The following TSPAN2 variants were observed in gnomAD, a reference collection of about 807,000 sequenced individuals.
TSPAN2 encodes tetraspanin-2.
TSPAN2 carries 24 observed loss-of-function variants against 33.3 expected under a neutral mutation model. That is an observed-to-expected ratio of 0.72 (90% CI 0.52 to 1.01). TSPAN2 has a LOEUF of 1.01. TSPAN2 is among the 50% of genes least tolerant of loss of function. The probability of loss-of-function intolerance (pLI) is 0.00; values close to 1 mark genes in which losing one functional copy is unlikely to be tolerated. For missense variants in TSPAN2, 278 were observed against 281.3 expected (o/e 0.99, Z 0.08); for synonymous variants, 114 against 104.5 (o/e 1.09, Z -0.56).
chr1:115,065,559 C>T (rs894852204), intron 2 of TSPAN2, among the ~76,000 whole-genome samples: 8 of 152,180 alleles, frequency 5.3e-5, no homozygotes, highest in Non-Finnish European at 2.9e-5. Flanking sequence ...ACCACAAGTA[C>T]TTTCCCTGGG....
At chr1:115,069,936 T>A (rs918419885) in intron 2 of TSPAN2, among the ~76,000 whole-genome samples, 1 of 152,214 alleles carries the variant, frequency 6.6e-6, no homozygotes, top group Admixed American at 6.5e-5. Flanking sequence ...GAAGGAGAGC[T>A]CACTTTCATC....
chr1:115,075,283 C>T (rs1648359057), intron 1 of TSPAN2, among the ~76,000 whole-genome samples: 1 of 152,168 alleles, frequency 6.6e-6, no homozygotes, highest in African/African-American at 2.4e-5. Context: ...CCCTAACCCC[C>T]AACCACACGG....
Position 115,057,530 on chromosome 1 carries a change from A to C in TSPAN2, c.516+7T>G, listed in dbSNP as rs1400631667. The C allele has an allele frequency of 1.2e-6, 2 of 1,613,784 alleles. No individual in the cohort carries two copies. Among genetic ancestry groups the C allele is most frequent in the East Asian group, 4.5e-5 (2 of 44,886 alleles). On this transcript the variant is annotated splice_region_variant and intron_variant, in intron 6 of 7. Coordinates refer to ENST00000369516, the MANE Select transcript of TSPAN2 (RefSeq NM_005725.6). The stretch of plus-strand genomic sequence containing the variant: ...CAGGTAGAGTAAGAACCTTGGTAGA[A>C]GCTTACCTTGTGTCCTAGAAGCTCC...
At chr1:115,087,354 G>A (rs1425336067) in intron 1 of TSPAN2, among the ~76,000 whole-genome samples, 4 of 151,924 alleles carry the variant, frequency 2.6e-5, no homozygotes, top group African/African-American at 4.8e-5. Context: ...GGTGGCTCAC[G>A]CCTGTAATCT....
chr1:115,059,138 G>A (rs546251670), intron 4 of TSPAN2, among the ~76,000 whole-genome samples, 157 bp from the exon 5 acceptor site: 1 of 152,150 alleles, frequency 6.6e-6, no homozygotes, highest in Admixed American at 6.5e-5. Context: ...GAAAGGGTAG[G>A]AGTGAGGTGA....
At chr1:115,075,008 CAG>C (rs2101041606) in intron 1 of TSPAN2, among the ~76,000 whole-genome samples, 1 of 151,240 alleles carries the variant, frequency 6.6e-6, no homozygotes, top group African/African-American at 2.5e-5. Flanking sequence ...GACCTATTGA[CAG>C]AGGCATCAGG....
chr1:115,058,769 G>T, intron 5 of TSPAN2, 114 bp downstream of exon 5: 1 of 908,640 alleles, frequency 1.1e-6, no homozygotes. Flanking sequence ...AATAGGTGGT[G>T]CTACTTGGCT....
chr1:115,073,088 T>G, intron 1 of TSPAN2, 81 bp from the exon 2 acceptor site: 1 of 1,207,546 alleles, frequency 8.3e-7, no homozygotes, highest in Admixed American at 1.8e-5. Context: ...AGGCACAGGA[T>G]GCTGACAAGG....
rs554474702 is a variant in TSPAN2, at chr1:115,068,594, T to C, written c.172+4311A>G. ...AAAAGGAAATACCCAGATCAGTGAA[T>C]GGTGCCCTGTGACAGTGGAGTGAGA... On this transcript the variant is annotated intron_variant, in intron 2 of 7. Transcript: ENST00000369516. 1.2e-3 allele frequency among the ~76,000 whole-genome samples: 179 copies of C among 152,332 alleles called. 1 individual carries two copies. The highest frequency in any genetic ancestry group is 1.5e-3 in the Non-Finnish European group (104 of 68,034).
intron 5 of TSPAN2, among the ~76,000 whole-genome samples, chr1:115,058,656 T>A (rs1348163567): frequency 6.6e-6 from 1 of 152,256 alleles, no homozygotes. Flanking sequence ...ATGTGTCTTT[T>A]GGGTTCATGC....
chr1:115,073,084 A>G, intron 1 of TSPAN2, 77 bp from the exon 2 acceptor site: 2 of 1,256,260 alleles, frequency 1.6e-6, no homozygotes, highest in East Asian at 4.7e-5. Context: ...CTCTAGGCAC[A>G]GGATGCTGAC....
At position 115,050,533 on chromosome 1, in the gene TSPAN2, A is replaced by G. The variant is rs578119949; in HGVS notation, c.623T>C (p.Met208Thr). The change falls in exon 8 of 8, where the codon ATG becomes ACG. Residue 208 changes from methionine (M) to threonine (T), a missense_variant. Transcript: ENST00000369516. ...GTTTCGTATCGCACAGCAGAGGACC[A>G]TGCTGAATATCATGCCAAAGATCTG... ...GLTIFGMIFS[M>T]VLCCAIRNSR... 3.1e-6 allele frequency: 5 copies of G among 1,613,908 alleles called. No individual in the cohort carries two copies. Among genetic ancestry groups the G allele is most frequent in the Non-Finnish European group, 4.2e-6 (5 of 1,179,964 alleles).
At chr1:115,056,451 CCTT>C (rs1234441421) in intron 6 of TSPAN2, among the ~76,000 whole-genome samples, 10 of 152,154 alleles carry the variant, frequency 6.6e-5, no homozygotes, top group Admixed American at 2.0e-4. Flanking sequence ...TATTAGTAGA[CCTT>C]CTTAGGCTTT....
At chr1:115,053,333 A>G (rs1466739207) in intron 7 of TSPAN2, 46 bp downstream of exon 7, 1 of 1,544,346 alleles carries the variant, frequency 6.5e-7, no homozygotes, top group Non-Finnish European at 8.9e-7. Flanking sequence ...GCAAAGTTTC[A>G]AGGCTTTTTA....
At chr1:115,071,636 T>C (rs1245078192) in intron 2 of TSPAN2, among the ~76,000 whole-genome samples, 1 of 152,230 alleles carries the variant, frequency 6.6e-6, no homozygotes, top group Non-Finnish European at 1.5e-5. Context: ...ACTGGTAGCA[T>C]TTTTTCCTTT....
intron 1 of TSPAN2, among the ~76,000 whole-genome samples, chr1:115,080,323 G>T (rs1648578370): frequency 6.6e-6 from 1 of 152,112 alleles, no homozygotes; most frequent in Non-Finnish European, 1.5e-5. Flanking sequence ...TTACTCTGTT[G>T]CCCAGGCTGG....
At chr1:115,074,660 T>G (rs926016889) in intron 1 of TSPAN2, among the ~76,000 whole-genome samples, 1 of 152,204 alleles carries the variant, frequency 6.6e-6, no homozygotes, top group African/African-American at 2.4e-5. Context: ...TCCTTCTCAG[T>G]ATATTTTCTA....
At chr1:115,062,753 T>A (rs1476074257) in intron 2 of TSPAN2, among the ~76,000 whole-genome samples, 1 of 152,262 alleles carries the variant, frequency 6.6e-6, no homozygotes, top group Non-Finnish European at 1.5e-5. Flanking sequence ...ATGAGTCACC[T>A]GGAAACCACT....
chr1:115,055,597 C>T (rs1422019343), intron 6 of TSPAN2, among the ~76,000 whole-genome samples: 1 of 151,968 alleles, frequency 6.6e-6, no homozygotes, highest in Non-Finnish European at 1.5e-5. Context: ...GATCTCGGCT[C>T]ACTGCAACCT....
Sources: gnomAD v4.1 joint callset for allele counts (sites outside exome capture counted in the v4.1 genomes callset) on GRCh38, gnomAD v4.1.1 for gene constraint, MANE v1.5 for transcripts, NCBI Gene and HGNC (gene_info 2026-07-23, HGNC 2026-07-21) for gene names.